PLCG2: variants seen among roughly 807,000 people sequenced by gnomAD.
PLCG2 encodes 1-phosphatidylinositol 4,5-bisphosphate phosphodiesterase gamma-2.
In PLCG2, 69 loss-of-function variants were observed where a neutral mutation model predicts 175.6. That is an observed-to-expected ratio of 0.39 (90% CI 0.32 to 0.48). PLCG2 has a LOEUF of 0.48. Among genes scored for constraint, PLCG2 ranks in the 20% least tolerant of loss-of-function variants. The pLI is 0.91. For synonymous variants in PLCG2, 827 were observed against 624.0 expected, an observed-to-expected ratio of 1.33 and a Z score of -4.85; for missense variants, 1,798 against 1,650.9, an observed-to-expected ratio of 1.09 and a Z score of -1.54.
chr16:81,763,024 T>C (rs1056395025), intron 2 of PLCG2, among the ~76,000 whole-genome samples: 5 of 152,212 alleles, frequency 3.3e-5, no homozygotes, highest in African/African-American at 1.2e-4. Context: ...GCCACTGTAT[T>C]CTAGCCTGGG....
chr16:81,774,609 G>A (rs1910359273), upstream of PLCG2, among the ~76,000 whole-genome samples: 1 of 152,084 alleles, frequency 6.6e-6, no homozygotes, highest in African/African-American at 2.4e-5. Flanking sequence ...TGGTCATTTT[G>A]GCTGTGGGGG....
chr16:81,783,350 C>G (rs1338819886), intron 1 of PLCG2, among the ~76,000 whole-genome samples: 1 of 152,184 alleles, frequency 6.6e-6, no homozygotes, highest in African/African-American at 2.4e-5. Context: ...TACATGTGCA[C>G]AACGTGCAGG....
chr16:81,746,562 ATTTAAGTGTAGG>A (rs1483103418), intron 1 of PLCG2, among the ~76,000 whole-genome samples: 4 of 152,186 alleles, frequency 2.6e-5, no homozygotes, highest in Non-Finnish European at 5.9e-5. Context: ...TGGATTTTGA[ATTTAAGTGTAGG>A]ATTTCGTTTT....
intron 15 of PLCG2, among the ~76,000 whole-genome samples, chr16:81,907,167 TA>T (rs952764015): frequency 3.3e-4 from 50 of 151,508 alleles, no homozygotes; most frequent in African/African-American, 9.9e-4. Flanking sequence ...AAAACGTTAT[TA>T]AAAAAAAGAG....
chr16:81,897,689 G>A (rs1908958777), intron 13 of PLCG2, among the ~76,000 whole-genome samples: 1 of 151,852 alleles, frequency 6.6e-6, no homozygotes, highest in Non-Finnish European at 1.5e-5. Context: ...GGGATTATAG[G>A]CATCCACCAT....
intron 2 of PLCG2, among the ~76,000 whole-genome samples, chr16:81,798,269 A>G (rs4889386): frequency 1.3e-5 from 2 of 152,014 alleles, no homozygotes; most frequent in African/African-American, 2.4e-5. Flanking sequence ...CCATGCTGCC[A>G]TATGTCTCCT....
intron 9 of PLCG2, among the ~76,000 whole-genome samples, chr16:81,888,787 C>G (rs1467901763): frequency 1.3e-5 from 2 of 152,212 alleles, no homozygotes; most frequent in African/African-American, 4.8e-5. Flanking sequence ...AGGGCAGGAG[C>G]TGGCAAACCA....
At chr16:81,853,899 G>A (rs1344027821) in intron 2 of PLCG2, among the ~76,000 whole-genome samples, 1 of 152,054 alleles carries the variant, frequency 6.6e-6, no homozygotes, top group Non-Finnish European at 1.5e-5. Context: ...CATCCCCAAC[G>A]CTGGGGTTGG....
intron 9 of PLCG2, among the ~76,000 whole-genome samples, chr16:81,887,849 AG>A (rs772818016): frequency 1.3e-5 from 2 of 152,364 alleles, no homozygotes; most frequent in Non-Finnish European, 2.9e-5. Context: ...GGAAAGCAAC[AG>A]TTACTTAATA....
chr16:81,859,731 T>C, intron 5 of PLCG2, among the ~76,000 whole-genome samples: 1 of 152,010 alleles, frequency 6.6e-6, no homozygotes, highest in African/African-American at 2.4e-5. Flanking sequence ...AGAGACAGGG[T>C]TTCACCATGT....
chr16:81,755,175 G>A (rs1053582150), intron 1 of PLCG2, among the ~76,000 whole-genome samples: 2 of 151,994 alleles, frequency 1.3e-5, no homozygotes, highest in African/African-American at 2.4e-5. Context: ...CCCCAAGCCT[G>A]TTCCTTTATT....
chr16:81,893,900 A>G (rs1280369949), intron 12 of PLCG2, 106 bp downstream of exon 12: 5 of 674,814 alleles, frequency 7.4e-6, no homozygotes, highest in African/African-American at 3.7e-5. Flanking sequence ...TAATGGACAC[A>G]TAATAACTGT....
chr16:81,779,880 G>A (rs574266960), intron 1 of PLCG2, among the ~76,000 whole-genome samples: 1 of 152,244 alleles, frequency 6.6e-6, no homozygotes, highest in Non-Finnish European at 1.5e-5. Flanking sequence ...GAGCGATACC[G>A]CGGGAGGCGC....
At chr16:81,944,898 G>T (rs1911091158) in intron 30 of PLCG2, among the ~76,000 whole-genome samples, 2 of 152,152 alleles carry the variant, frequency 1.3e-5, no homozygotes, top group South Asian at 2.1e-4. Context: ...TACAATCTAG[G>T]TGGTGGGTAT....
At chr16:81,758,729 G>C (rs1486036381) in intron 2 of PLCG2, among the ~76,000 whole-genome samples, 1 of 150,332 alleles carries the variant, frequency 6.7e-6, no homozygotes, top group African/African-American at 2.5e-5. Context: ...CCAGGCTAGA[G>C]TGCAGTGGCA....
intron 21 of PLCG2, among the ~76,000 whole-genome samples, chr16:81,922,140 G>T (rs138040387): frequency 1.2e-4 from 18 of 152,154 alleles, no homozygotes; most frequent in Admixed American, 1.0e-3. Flanking sequence ...GTTTGCAGGT[G>T]GGGGAGAGAA....
intron 7 of PLCG2, among the ~76,000 whole-genome samples, chr16:81,878,729 G>A (rs527253474): frequency 1.3e-5 from 2 of 152,278 alleles, no homozygotes; most frequent in East Asian, 3.9e-4. Context: ...TGTCCACTCA[G>A]CAGCACGTGT....
rs1188549473 is a variant in PLCG2 at position 81,958,933 on chromosome 16, G to C, written c.*935G>C. The C allele has an allele frequency of 4.5e-6, 1 of 222,080 alleles. No homozygotes were observed. The allele number at this position is 222,080 out of a possible 1,614,324, so 13.8% of individuals were successfully genotyped here. On this transcript the variant is annotated 3_prime_UTR_variant, in exon 33 of 33. Coordinates refer to ENST00000564138, the MANE Select transcript of PLCG2 (RefSeq NM_002661.5). ...CCAGTCTTCTGGAGCAGCAAGCTGA[G>C]CTTTAATGGGCTAAGCATTAGGGTG...
intron 5 of PLCG2, among the ~76,000 whole-genome samples, chr16:81,868,734 T>C (rs1447398041): frequency 1.3e-5 from 2 of 152,248 alleles, no homozygotes; most frequent in Non-Finnish European, 2.9e-5. Flanking sequence ...CATTTTGTAT[T>C]GAGATTATCT....
Sources: allele counts gnomAD v4.1 joint callset (sites outside exome capture counted in the v4.1 genomes callset), GRCh38; gene constraint gnomAD v4.1.1; transcripts MANE v1.5; gene names NCBI Gene and HGNC (gene_info 2026-07-23, HGNC 2026-07-21).